The following LAMA2 variants were observed in gnomAD, a reference collection of about 807,000 sequenced individuals.
The protein encoded by LAMA2 is laminin subunit alpha-2.
LAMA2 carries 269 observed loss-of-function variants against 364.8 expected under a neutral mutation model. The observed-to-expected ratio is 0.74, with a 90% CI of 0.67 to 0.82. LAMA2 has a LOEUF of 0.82. Ranked by LOEUF, LAMA2 falls within the 40% of genes least tolerant of loss-of-function variation. The pLI is 0.00. For missense variants in LAMA2, 3,807 were observed against 3,873.2 expected, an observed-to-expected ratio of 0.98 and a Z score of 0.45; for synonymous variants, 1,379 against 1,370.6, an observed-to-expected ratio of 1.01 and a Z score of -0.14.
At chr6:129,358,422 AC>A (rs1166708738) in intron 32 of LAMA2, among the ~76,000 whole-genome samples, 3 of 151,988 alleles carry the variant, frequency 2.0e-5, no homozygotes, top group Non-Finnish European at 4.4e-5. Flanking sequence ...ACTAAACTCT[AC>A]TTTGATTGCA....
At chr6:129,081,961 T>G (rs1774087074) in intron 3 of LAMA2, among the ~76,000 whole-genome samples, 1 of 152,166 alleles carries the variant, frequency 6.6e-6, no homozygotes, top group Non-Finnish European at 1.5e-5. Flanking sequence ...GAAACTTGTT[T>G]AATTAATATG....
chr6:129,453,523 G>A (rs1271184067), intron 46 of LAMA2, among the ~76,000 whole-genome samples: 2 of 152,078 alleles, frequency 1.3e-5, no homozygotes, highest in Non-Finnish European at 1.5e-5. Context: ...AAATAGCAAA[G>A]TGTGTACTAT....
intron 64 of LAMA2, among the ~76,000 whole-genome samples, chr6:129,515,188 G>T (rs1490244498): frequency 1.3e-5 from 2 of 151,972 alleles, no homozygotes; most frequent in East Asian, 3.9e-4. Context: ...TAAGCCAAGT[G>T]CCTCTTAATA....
intron 28 of LAMA2, among the ~76,000 whole-genome samples, chr6:129,325,911 C>T (rs560322799): frequency 6.6e-6 from 1 of 152,260 alleles, no homozygotes; most frequent in African/African-American, 2.4e-5. Context: ...CAGATCTCAG[C>T]TTACTGCAAC....
intron 1 of LAMA2, among the ~76,000 whole-genome samples, chr6:128,965,967 T>C (rs545406083): frequency 6.7e-6 from 1 of 148,328 alleles, no homozygotes. Flanking sequence ...AATATTAACA[T>C]GTAAACCAGA....
chr6:129,032,820 T>C (rs1207672728), intron 1 of LAMA2, among the ~76,000 whole-genome samples: 1 of 152,160 alleles, frequency 6.6e-6, no homozygotes, highest in Non-Finnish European at 1.5e-5. Context: ...TAATATGAAA[T>C]GATGCAATGG....
At chr6:129,320,728 C>T in intron 28 of LAMA2, 73 bp downstream of exon 28, 2 of 801,886 alleles carry the variant, frequency 2.5e-6, no homozygotes, top group South Asian at 1.4e-5. Flanking sequence ...CCCAGAAGTA[C>T]CTTTACTGCA....
At chr6:129,329,332 G>A (rs932161178) in intron 29 of LAMA2, among the ~76,000 whole-genome samples, 2 of 151,876 alleles carry the variant, frequency 1.3e-5, no homozygotes, top group Admixed American at 6.6e-5. Flanking sequence ...CTGCTACCCC[G>A]GCAGCCCTCT....
At chr6:129,145,181 G>T (rs1475685004) in intron 5 of LAMA2, among the ~76,000 whole-genome samples, 1 of 151,966 alleles carries the variant, frequency 6.6e-6, no homozygotes, top group Non-Finnish European at 1.5e-5. Context: ...GTCATCGGTT[G>T]CAAAATTGCT....
At chr6:129,377,419 A>G (rs903559386) in intron 34 of LAMA2, among the ~76,000 whole-genome samples, 1 of 151,992 alleles carries the variant, frequency 6.6e-6, no homozygotes, top group Non-Finnish European at 1.5e-5. Flanking sequence ...AACAAGTCAT[A>G]TCTTTTTGGT....
intron 1 of LAMA2, among the ~76,000 whole-genome samples, chr6:128,982,155 A>G (rs373645680): frequency 6.6e-6 from 1 of 152,218 alleles, no homozygotes; most frequent in South Asian, 2.1e-4. Context: ...CCTAACTCAT[A>G]GAAATAACTG....
chr6:129,135,153 G>A lies in LAMA2; in HGVS notation c.640-8748G>A, dbSNP rs1458541059. On this transcript the variant is annotated intron_variant, in intron 4 of 64. Transcript: ENST00000421865. ...GCCAAGATCTGCAGAAAATCAAACA[G>A]TAAAGACTATTCCAGAAGAGCAACA... 2.0e-5 allele frequency among the ~76,000 whole-genome samples: 3 copies of A among 152,116 alleles called. No homozygotes were observed. The South Asian group carries it at 6.2e-4, about 32-fold the overall frequency.
At chr6:129,392,338 G>A (rs143039069) in intron 36 of LAMA2, among the ~76,000 whole-genome samples, 1 of 152,220 alleles carries the variant, frequency 6.6e-6, no homozygotes, top group Non-Finnish European at 1.5e-5. Context: ...CAGCACACCA[G>A]AGAACTTGTT....
At chr6:129,121,599 A>C (rs1220749642) in intron 4 of LAMA2, among the ~76,000 whole-genome samples, 1 of 152,186 alleles carries the variant, frequency 6.6e-6, no homozygotes, top group Non-Finnish European at 1.5e-5. Flanking sequence ...CTGGAAGATG[A>C]TGCTAACAAA....
chr6:129,316,003 A>G (rs1309666780), intron 26 of LAMA2, 35 bp from the exon 27 acceptor site: 1 of 1,613,822 alleles, frequency 6.2e-7, no homozygotes, highest in Admixed American at 1.7e-5. Flanking sequence ...TTTTGCATTC[A>G]GTTTTGTCAT....
At chr6:129,147,093 T>G (rs1198145379) in intron 6 of LAMA2, 45 bp downstream of exon 6, 1 of 1,211,510 alleles carries the variant, frequency 8.3e-7, no homozygotes. Flanking sequence ...AGCCCTGAGC[T>G]GTAAAATGTT....
intron 1 of LAMA2, among the ~76,000 whole-genome samples, chr6:128,993,818 C>A (rs566988477): frequency 1.3e-5 from 2 of 152,038 alleles, no homozygotes; most frequent in South Asian, 2.1e-4. Context: ...TTAATATATG[C>A]AGAAGAAAAA....
At chr6:129,443,749 G>A (rs116181625) in intron 44 of LAMA2, among the ~76,000 whole-genome samples, 3,578 of 152,032 alleles carry the variant, frequency 0.024, 134 homozygotes, top group African/African-American at 0.081. Flanking sequence ...AGTTTAAATT[G>A]AAAGTCAAGA....
chr6:129,078,092 A>G (rs1432214013), intron 3 of LAMA2, among the ~76,000 whole-genome samples: 3 of 151,398 alleles, frequency 2.0e-5, no homozygotes, highest in Non-Finnish European at 4.4e-5. Flanking sequence ...AGGGGAGGTT[A>G]TATGTTTATG....
Sources: gnomAD v4.1 joint callset for allele counts (sites outside exome capture counted in the v4.1 genomes callset) on GRCh38, gnomAD v4.1.1 for gene constraint, MANE v1.5 for transcripts, NCBI Gene and HGNC (gene_info 2026-07-23, HGNC 2026-07-21) for gene names.